KCNU1: variants seen among roughly 807,000 people sequenced by gnomAD.
The protein encoded by KCNU1 is potassium channel subfamily U member 1.
Under a neutral mutation model 126.8 loss-of-function variants are expected in KCNU1, and 93 were observed. The ratio of observed to expected loss-of-function variants is 0.73; its 90% CI spans 0.62 to 0.87. KCNU1 has a LOEUF of 0.87. Ranked by LOEUF, KCNU1 falls within the 40% of genes least tolerant of loss-of-function variation. The pLI is 0.00. For synonymous variants in KCNU1, 523 were observed against 494.2 expected, an observed-to-expected ratio of 1.06 and a Z score of -0.77; for missense variants, 1,330 against 1,367.1, an observed-to-expected ratio of 0.97 and a Z score of 0.43.
intron 19 of KCNU1, among the ~76,000 whole-genome samples, chr8:36,901,908 G>C (rs980401259): frequency 1.3e-5 from 2 of 152,086 alleles, no homozygotes; most frequent in Non-Finnish European, 2.9e-5. Flanking sequence ...ATGGTACCCC[G>C]TGGCTACCTT....
In KCNU1 at chr8:36,805,272, A is replaced by G. The variant is rs1803455949; in HGVS notation, c.455A>G (p.Tyr152Cys). 2.5e-6 allele frequency: 4 copies of G among 1,594,596 alleles called. No individual in the cohort carries two copies. The highest frequency in any genetic ancestry group is 3.4e-6 in the Non-Finnish European group (4 of 1,167,082). The change falls in exon 4 of 27, where the codon TAT (tyrosine) becomes TGT (cysteine). Residue 152 changes from tyrosine (Y) to cysteine (C), a missense_variant. Around this residue, in one of 3 missense-constraint regions of KCNU1, gnomAD observed 247 missense variants for 255.4 expected, o/e 0.97. Transcript: ENST00000399881. ...DLVFNAFFSFYFGLRFMAADD... is the reference protein window; with the variant it reads ...DLVFNAFFSFCFGLRFMAADD... ...GTTTTCAATGCTTTCTTTAGTTTCT[A>G]TTTTGGATTGAGGGTAAGTACCTAT...
intron 22 of KCNU1, among the ~76,000 whole-genome samples, chr8:36,913,181 C>T: frequency 6.6e-6 from 1 of 151,788 alleles, no homozygotes; most frequent in East Asian, 1.9e-4. Context: ...TAGTGATTTT[C>T]CTACTTTATT....
chr8:36,865,510 AATCCC>A (rs1805873691), intron 19 of KCNU1, among the ~76,000 whole-genome samples: 1 of 151,900 alleles, frequency 6.6e-6, no homozygotes, highest in Non-Finnish European at 1.5e-5. Context: ...TCATGCCTAT[AATCCC>A]AGTGCTTTAG....
rs184493335 is a variant in KCNU1 at position 36,818,483 on chromosome 8, C to G, written c.1106+723C>G. ...TATACATGTTTTTCTTCCAACTTCA[C>G]CTTTTAATTTTTTTCGTGCTTTTAT... On this transcript the variant is annotated intron_variant, in intron 10 of 26. Coordinates refer to ENST00000399881, the MANE Select transcript of KCNU1 (RefSeq NM_001031836.3). Among the ~76,000 whole-genome samples, 360 of 152,170 alleles carry G rather than the reference C, an allele frequency of 2.4e-3. 1 individual carries two copies. The highest frequency in any genetic ancestry group is 8.1e-3 in the African/African-American group (338 of 41,538).
intron 7 of KCNU1, among the ~76,000 whole-genome samples, chr8:36,813,082 A>C (rs1432928831): frequency 1.3e-5 from 2 of 152,180 alleles, no homozygotes; most frequent in African/African-American, 4.8e-5. Flanking sequence ...ATGTCTTGGA[A>C]AACAGTGAAG....
At chr8:36,927,844 A>G (rs1808579069) in intron 24 of KCNU1, among the ~76,000 whole-genome samples, 1 of 152,066 alleles carries the variant, frequency 6.6e-6, no homozygotes, top group South Asian at 2.1e-4. Context: ...TGAAAGTCCA[A>G]AATATTTCAA....
rs751177892 is a variant in KCNU1, at chr8:36,935,644, T to A, written c.3174T>A (p.Ile1058=). 5.0e-6 allele frequency: 8 copies of A among 1,613,366 alleles called. No individual in the cohort carries two copies. In the South Asian group the frequency reaches 5.5e-5, roughly 11 times the overall value. Residue 1058 remains isoleucine, a synonymous_variant, in exon 27 of 27, where the codon ATT becomes ATA. Transcript: ENST00000399881. ...TCTCATTGCAAAAGTCATATGAAAT[T>A]GTAAATAAAGCATCACAGACAACAG... ...EEFSLQKSYE[I]VNKASQTTET...
intron 19 of KCNU1, among the ~76,000 whole-genome samples, chr8:36,874,944 C>G: frequency 6.6e-6 from 1 of 151,944 alleles, no homozygotes; most frequent in East Asian, 1.9e-4. Context: ...CTCTGTTCCT[C>G]CCAGAGGGGT....
intron 18 of KCNU1, among the ~76,000 whole-genome samples, chr8:36,856,467 T>G (rs531003560): frequency 6.6e-6 from 1 of 152,350 alleles, no homozygotes; most frequent in East Asian, 1.9e-4. Flanking sequence ...GGCTAGTGAC[T>G]TGGCTGAACT....
chr8:36,821,487 T>C (rs920595016), intron 10 of KCNU1, among the ~76,000 whole-genome samples: 3 of 152,104 alleles, frequency 2.0e-5, no homozygotes, highest in Non-Finnish European at 4.4e-5. Context: ...CAGGACTAGA[T>C]GTATTTAGGA....
intron 18 of KCNU1, 70 bp downstream of exon 18, chr8:36,845,969 G>A: frequency 1.1e-6 from 1 of 901,598 alleles, no homozygotes; most frequent in Non-Finnish European, 1.8e-6. Flanking sequence ...AGAGAAGAGG[G>A]TTCCATCTCT....
intron 1 of KCNU1, among the ~76,000 whole-genome samples, chr8:36,785,769 G>A (rs1242602302): frequency 7.9e-5 from 12 of 152,154 alleles, no homozygotes; most frequent in African/African-American, 2.9e-4. Flanking sequence ...AATCTTCTTA[G>A]TCTTCTGCTC....
chr8:36,929,694 A>G (rs952099270), intron 24 of KCNU1, among the ~76,000 whole-genome samples: 2 of 152,164 alleles, frequency 1.3e-5, no homozygotes, highest in African/African-American at 2.4e-5. Context: ...AAGCAACTGT[A>G]GATAGATTAA....
intron 10 of KCNU1, among the ~76,000 whole-genome samples, chr8:36,830,823 A>G (rs1039747467): frequency 6.6e-6 from 1 of 151,522 alleles, no homozygotes; most frequent in African/African-American, 2.4e-5. Context: ...TTAGTTGCAT[A>G]TGTATACATG....
intron 19 of KCNU1, among the ~76,000 whole-genome samples, chr8:36,866,184 C>A (rs1805905567): frequency 6.6e-6 from 1 of 152,146 alleles, no homozygotes; most frequent in Admixed American, 6.6e-5. Context: ...GTAATAAGTG[C>A]AGAGCCTTCC....
At chr8:36,847,279 G>T (rs941127031) in intron 18 of KCNU1, among the ~76,000 whole-genome samples, 2 of 151,990 alleles carry the variant, frequency 1.3e-5, no homozygotes, top group African/African-American at 4.8e-5. Context: ...GTGATATTTT[G>T]ATATAGATAT....
At chr8:36,875,976 A>T (rs1468391158) in intron 19 of KCNU1, among the ~76,000 whole-genome samples, 6 of 152,152 alleles carry the variant, frequency 3.9e-5, no homozygotes, top group Non-Finnish European at 5.9e-5. Context: ...CCTTTGAGAA[A>T]TTCTTTAATG....
chr8:36,885,623 T>C (rs541472255), intron 19 of KCNU1, among the ~76,000 whole-genome samples: 1 of 151,620 alleles, frequency 6.6e-6, no homozygotes, highest in African/African-American at 2.4e-5. Flanking sequence ...CGAAACCACA[T>C]CTCTACTAAA....
intron 18 of KCNU1, among the ~76,000 whole-genome samples, chr8:36,847,639 G>T (rs1805199296): frequency 6.6e-6 from 1 of 152,166 alleles, no homozygotes; most frequent in African/African-American, 2.4e-5. Context: ...TGCTGCTAAT[G>T]ACAGGATTTC....
Sources: gnomAD v4.1 joint callset for allele counts (sites outside exome capture counted in the v4.1 genomes callset) on GRCh38, gnomAD v4.1.1 for gene constraint, gnomAD v4.1.1 regional missense constraint, MANE v1.5 for transcripts, NCBI Gene and HGNC (gene_info 2026-07-23, HGNC 2026-07-21) for gene names.